Variants in LTBP1 observed in about 807,000 individuals in gnomAD.
LTBP1 encodes latent transforming growth factor beta binding protein 1.
Under a neutral mutation model 207.6 loss-of-function variants are expected in LTBP1, and 129 were observed. The ratio of observed to expected loss-of-function variants is 0.62; its 90% confidence interval spans 0.54 to 0.72. LTBP1 has a LOEUF of 0.72. Ranked by LOEUF, LTBP1 falls within the 30% of genes least tolerant of loss-of-function variation. The probability of loss-of-function intolerance (pLI) is 0.00; values close to 1 mark genes in which losing one functional copy is unlikely to be tolerated. For synonymous variants in LTBP1, 963 were observed against 833.7 expected, an observed-to-expected ratio of 1.16 and a Z score of -2.67; for missense variants, 2,281 against 2,217.2, an observed-to-expected ratio of 1.03 and a Z score of -0.58.
At chr2:33,297,755 AAAAC>A (rs147151026) in intron 20 of LTBP1, among the ~76,000 whole-genome samples, 4,536 of 152,248 alleles carry the variant, frequency 0.03, 109 homozygotes, top group Non-Finnish European at 0.049. Flanking sequence ...AAACAAAACA[AAAAC>A]AAAAAACTAA....
At chr2:33,282,507 G>C (rs748252104) in intron 19 of LTBP1, among the ~76,000 whole-genome samples, 54 of 152,166 alleles carry the variant, frequency 3.5e-4, no homozygotes, top group Non-Finnish European at 6.6e-4. Context: ...ACAAAAAGCA[G>C]ATATTGCAGC....
At chr2:33,237,642 G>A (rs2092111904) in intron 9 of LTBP1, among the ~76,000 whole-genome samples, 2 of 152,112 alleles carry the variant, frequency 1.3e-5, no homozygotes, top group Admixed American at 1.3e-4. Flanking sequence ...TAACCTAATT[G>A]GTAAAGCCAG....
intron 5 of LTBP1, among the ~76,000 whole-genome samples, chr2:33,136,318 C>T (rs542306737): frequency 1.3e-5 from 2 of 152,178 alleles, no homozygotes; most frequent in African/African-American, 2.4e-5. Context: ...GGATTCTGGT[C>T]CCGGTCCTGC....
At chr2:33,397,973 T>C (rs890891013) in intron 33 of LTBP1, among the ~76,000 whole-genome samples, 15 of 152,078 alleles carry the variant, frequency 9.9e-5, no homozygotes, top group Non-Finnish European at 1.6e-4. Flanking sequence ...GGTCTGTGAA[T>C]GTTATGGAAG....
intron 5 of LTBP1, among the ~76,000 whole-genome samples, chr2:33,155,577 T>C (rs2083907942): frequency 6.6e-6 from 1 of 152,190 alleles, no homozygotes; most frequent in African/African-American, 2.4e-5. Flanking sequence ...CTTTGGTCTT[T>C]ACCTATTAGA....
chr2:33,355,187 G>A (rs1365513308), intron 26 of LTBP1, among the ~76,000 whole-genome samples: 1 of 151,826 alleles, frequency 6.6e-6, no homozygotes, highest in Non-Finnish European at 1.5e-5. Context: ...GGTTTGTGTT[G>A]TGTGTCATCT....
intron 28 of LTBP1, among the ~76,000 whole-genome samples, chr2:33,362,812 C>G (rs1048584682): frequency 6.6e-6 from 1 of 152,184 alleles, no homozygotes; most frequent in African/African-American, 2.4e-5. Flanking sequence ...TGGATTATCT[C>G]ATTTCATCCT....
At chr2:33,174,029 A>G (rs1358720243) in intron 5 of LTBP1, among the ~76,000 whole-genome samples, 9 of 140,238 alleles carry the variant, frequency 6.4e-5, no homozygotes, top group South Asian at 2.3e-4. Flanking sequence ...GCTATCTATG[A>G]CAAACCCACA....
At chr2:32,970,852 G>T (rs1032377569) in intron 2 of LTBP1, among the ~76,000 whole-genome samples, 1 of 151,784 alleles carries the variant, frequency 6.6e-6, no homozygotes, top group African/African-American at 2.4e-5. Flanking sequence ...TGGGCAGTAT[G>T]GTCATTTTAA....
intron 5 of LTBP1, among the ~76,000 whole-genome samples, chr2:33,140,177 G>A (rs6737948): frequency 0.87 from 133,164 of 152,260 alleles, 58,551 homozygotes; most frequent in East Asian, 1. Flanking sequence ...GGGATGAAGA[G>A]CAGAAGCAGT....
chr2:33,235,312 C>T (rs1283119616), intron 9 of LTBP1, among the ~76,000 whole-genome samples: 1 of 152,212 alleles, frequency 6.6e-6, no homozygotes, highest in Non-Finnish European at 1.5e-5. Flanking sequence ...CTCATCATCA[C>T]TGGTCATTAG....
chr2:33,152,286 A>C (rs991955290), intron 5 of LTBP1, among the ~76,000 whole-genome samples: 2 of 152,230 alleles, frequency 1.3e-5, no homozygotes, highest in South Asian at 4.1e-4. Flanking sequence ...TCAAAAGATG[A>C]TATACAGATG....
intron 5 of LTBP1, among the ~76,000 whole-genome samples, chr2:33,173,685 A>G (rs373681529): frequency 2.0e-5 from 3 of 151,206 alleles, no homozygotes; most frequent in African/African-American, 7.3e-5. Flanking sequence ...TACCAAAGCC[A>G]GGCAGAGACA....
At chr2:32,992,286 A>G in intron 2 of LTBP1, among the ~76,000 whole-genome samples, 1 of 152,198 alleles carries the variant, frequency 6.6e-6, no homozygotes, top group East Asian at 1.9e-4. Flanking sequence ...CAAAGGAGAA[A>G]GAGTGATATC....
chr2:32,959,197 TC>T (rs1324800103), intron 2 of LTBP1, among the ~76,000 whole-genome samples: 2 of 152,152 alleles, frequency 1.3e-5, no homozygotes, highest in African/African-American at 2.4e-5. Context: ...ATGAATTTGG[TC>T]AGTGGATGGG....
intron 12 of LTBP1, among the ~76,000 whole-genome samples, chr2:33,258,657 G>A (rs918949006): frequency 1.3e-5 from 2 of 152,188 alleles, no homozygotes; most frequent in South Asian, 2.1e-4. Flanking sequence ...GAAATGGGCC[G>A]TAGTTCCAGA....
intron 5 of LTBP1, among the ~76,000 whole-genome samples, chr2:33,137,506 A>G (rs1558686890): frequency 6.6e-6 from 1 of 152,244 alleles, no homozygotes. Context: ...GTGTGAAAGC[A>G]GCCAGAGACA....
At chr2:33,155,195 G>T (rs1225096400) in intron 5 of LTBP1, among the ~76,000 whole-genome samples, 2 of 152,118 alleles carry the variant, frequency 1.3e-5, no homozygotes, top group Admixed American at 6.5e-5. Context: ...TCTCACTCAA[G>T]ATTGGAACTA....
intron 24 of LTBP1, among the ~76,000 whole-genome samples, chr2:33,334,902 C>G (rs1476767243): frequency 7.0e-6 from 1 of 141,880 alleles, no homozygotes; most frequent in East Asian, 2.0e-4. Flanking sequence ...GACCTCATCT[C>G]TACTAAAAAT....
Sources: allele counts gnomAD v4.1 joint callset (sites outside exome capture counted in the v4.1 genomes callset), GRCh38; gene constraint gnomAD v4.1.1; transcripts MANE v1.5; gene names NCBI Gene and HGNC (gene_info 2026-07-23, HGNC 2026-07-21).